Variants in GIMD1 observed in about 807,000 individuals in gnomAD.
GIMD1 encodes GTPase IMAP family member GIMD1.
A neutral mutation model predicts 14.9 loss-of-function variants in GIMD1; 14 were observed. The observed-to-expected ratio is 0.94, with a 90% CI of 0.62 to 1.47. GIMD1 has a LOEUF of 1.47. Among genes scored for constraint, GIMD1 ranks in the 40% most tolerant of loss-of-function variants. The probability of loss-of-function intolerance (pLI) is 0.00; values close to 1 mark genes in which losing one functional copy is unlikely to be tolerated. For synonymous variants in GIMD1, 91 were observed against 90.5 expected, an observed-to-expected ratio of 1.01 and a Z score of -0.03; for missense variants, 272 against 255.3, an observed-to-expected ratio of 1.07 and a Z score of -0.44.
chr4:106,363,763 C>T (rs972470557), intron 2 of GIMD1, among the ~76,000 whole-genome samples: 16 of 151,398 alleles, frequency 1.1e-4, no homozygotes, highest in Non-Finnish European at 1.5e-4. Flanking sequence ...TCTGAATTAG[C>T]TTTTCCGAGC....
intron 1 of GIMD1, 68 bp downstream of exon 1, chr4:106,368,642 A>C (rs1277152531): frequency 5.0e-6 from 2 of 397,328 alleles, no homozygotes; most frequent in Non-Finnish European, 8.9e-6. Context: ...TTTTACTCCT[A>C]AATCAGGGTG....
At chr4:106,360,084 AG>A (rs1770592308) in intron 2 of GIMD1, among the ~76,000 whole-genome samples, 1 of 152,040 alleles carries the variant, frequency 6.6e-6, no homozygotes. Context: ...TAGAAGTCTT[AG>A]GGTTCTATTT....
At chr4:106,367,520 C>T in intron 1 of GIMD1, 83 bp from the exon 2 acceptor site, 1 of 1,285,118 alleles carries the variant, frequency 7.8e-7, no homozygotes, top group East Asian at 2.6e-5. Context: ...CCTGGTTGCA[C>T]TCCAAGTACG....
intron 2 of GIMD1, among the ~76,000 whole-genome samples, chr4:106,361,040 T>C (rs187776469): frequency 2.0e-5 from 3 of 152,216 alleles, no homozygotes; most frequent in Non-Finnish European, 2.9e-5. Flanking sequence ...ATCATTTGCA[T>C]CAGAATCACC....
Position 106,358,387 on chromosome 4 carries a change from TTCTGCATGGG to T in GIMD1, c.440_449del (p.Thr147LysfsTer3). 6.5e-7 allele frequency: 1 copy of T among 1,531,268 alleles called. No individual in the cohort carries two copies. Among genetic ancestry groups the T allele is most frequent in the Non-Finnish European group, 8.7e-7 (1 of 1,144,858 alleles). 94.9% of individuals were successfully genotyped at this position (1,531,268 alleles called of 1,614,324 possible). A position where few individuals can be genotyped will look rare whatever the true frequency, so the allele number is the denominator to read the frequency against. ...CAGTAAGCCCAGCCTCTTCTATTTTTTCTGCATGGGTAAAAAGAATGGCTGTGTAATTCAT... is the reference window on the plus strand; with the variant it reads ...CAGTAAGCCCAGCCTCTTCTATTTTTTAAAAAGAATGGCTGTGTAATTCAT... On this transcript the variant is annotated frameshift_variant, in exon 3 of 3. Transcript: ENST00000638719. LOFTEE classifies it high-confidence loss of function.
intron 2 of GIMD1, among the ~76,000 whole-genome samples, chr4:106,366,810 A>G (rs890954603): frequency 8.6e-5 from 13 of 151,904 alleles, no homozygotes; most frequent in African/African-American, 3.1e-4. Flanking sequence ...CAGTTGTAAA[A>G]TGACTGATTG....
chr4:106,368,596 A>G, intron 1 of GIMD1, 114 bp downstream of exon 1: 3 of 392,702 alleles, frequency 7.6e-6, no homozygotes, highest in Non-Finnish European at 1.3e-5. Context: ...CAGCTCATTC[A>G]GTGGTGTCAA....
chr4:106,366,170 A>G (rs1770696400), intron 2 of GIMD1, among the ~76,000 whole-genome samples: 1 of 152,176 alleles, frequency 6.6e-6, no homozygotes, highest in Non-Finnish European at 1.5e-5. Flanking sequence ...TCTTTTGGCT[A>G]GAATGGAGCA....
chr4:106,360,223 T>C (rs1359731581), intron 2 of GIMD1, among the ~76,000 whole-genome samples: 7 of 151,878 alleles, frequency 4.6e-5, no homozygotes, highest in Admixed American at 1.3e-4. Context: ...TTTCAAGGAA[T>C]AGGCCCAAAC....
At position 106,358,281 on chromosome 4, in the gene GIMD1, T is replaced by G. The variant is rs1285299048; in HGVS notation, c.556A>C (p.Lys186Gln). The stretch of plus-strand genomic sequence containing the variant: ...TGTTCATTGAGTGATTTTCCTTTTT[T>G]GTACTGGAAAACGTATTTGTGCTGA... ...SIQHKYVFQY[K>Q]KGKSLNEQRM... is the part of the protein sequence containing the mutation. Residue 186 changes from lysine (K) to glutamine (Q), a missense_variant, in exon 3 of 3, where the codon AAA (lysine) becomes CAA (glutamine). Transcript: ENST00000638719. 2 of 1,531,632 alleles carry G rather than the reference T, an allele frequency of 1.3e-6. No homozygotes were observed. Among genetic ancestry groups the G allele is most frequent in the Admixed American group, 3.9e-5 (2 of 50,672 alleles). The allele number at this position is 1,531,632 out of a possible 1,614,324, so 94.9% of individuals were successfully genotyped here. A position where few individuals can be genotyped will look rare whatever the true frequency, so the allele number is the denominator to read the frequency against.
chr4:106,364,106 T>C (rs1256121005), intron 2 of GIMD1, among the ~76,000 whole-genome samples: 1 of 152,164 alleles, frequency 6.6e-6, no homozygotes, highest in Non-Finnish European at 1.5e-5. Context: ...ATCTCTTTCA[T>C]TTTACTGTAA....
Position 106,365,380 on chromosome 4 carries a change from C to T in GIMD1, c.393+1663G>A, listed in dbSNP as rs1770681193. Among the ~76,000 whole-genome samples the T allele has an allele frequency of 2.1e-5, 3 of 143,892 alleles. No homozygotes were observed. The South Asian group carries it at 7.0e-4, about 33-fold the overall frequency. 94.4% of individuals were successfully genotyped at this position (143,892 alleles called of 152,430 possible). On this transcript the variant is annotated intron_variant, in intron 2 of 2. Transcript: ENST00000638719. ...TTTCTGCTAGTTTCTTGTGATTATACATATGGCTGGGTTTTTTTTTTTCAT... is the reference window on the plus strand; with the variant it reads ...TTTCTGCTAGTTTCTTGTGATTATATATATGGCTGGGTTTTTTTTTTTCAT...
intron 2 of GIMD1, among the ~76,000 whole-genome samples, chr4:106,366,685 G>A (rs1020765527): frequency 1.3e-5 from 2 of 152,104 alleles, no homozygotes; most frequent in African/African-American, 4.8e-5. Context: ...AGTTGATTCT[G>A]ATGCAGACAG....
At chr4:106,365,672 G>T (rs933886277) in intron 2 of GIMD1, among the ~76,000 whole-genome samples, 4 of 152,080 alleles carry the variant, frequency 2.6e-5, no homozygotes, top group African/African-American at 9.7e-5. Flanking sequence ...TGAGCTCAGT[G>T]ACTCATTGAG....
At chr4:106,365,938 TACACACAC>T (rs74949934) in intron 2 of GIMD1, among the ~76,000 whole-genome samples, 1 of 148,328 alleles carries the variant, frequency 6.7e-6, no homozygotes, top group African/African-American at 2.5e-5. Context: ...TACACACACG[TACACACAC>T]ACACACACAC....
intron 2 of GIMD1, among the ~76,000 whole-genome samples, chr4:106,363,937 T>C (rs72878592): frequency 0.026 from 3,787 of 148,312 alleles, 158 homozygotes; most frequent in African/African-American, 0.088. Flanking sequence ...CAATTCCTAC[T>C]GCAGCTTGGC....
rs1259092316 is a variant in GIMD1, at chr4:106,362,417, G to A, written c.394-3974C>T. 2.0e-5 allele frequency among the ~76,000 whole-genome samples: 3 copies of A among 152,072 alleles called. No individual in the cohort carries two copies. The East Asian group carries it at 5.8e-4, about 29-fold the overall frequency. On this transcript the variant is annotated intron_variant, in intron 2 of 2. Transcript: ENST00000638719. ...CCAAAAGCAAGATAAGTTAATGTAA[G>A]TTATCTGGTGTTAATAATTTAAATA...
chr4:106,362,730 T>A (rs1770632670), intron 2 of GIMD1, among the ~76,000 whole-genome samples: 1 of 152,030 alleles, frequency 6.6e-6, no homozygotes, highest in Non-Finnish European at 1.5e-5. Context: ...ATGAGGACCA[T>A]TTTTTTATAC....
intron 2 of GIMD1, among the ~76,000 whole-genome samples, chr4:106,361,821 A>T (rs766907689): frequency 6.6e-6 from 1 of 152,130 alleles, no homozygotes; most frequent in South Asian, 2.1e-4. Flanking sequence ...TTTGAAATAC[A>T]GTATTGCTAC....
Sources: gnomAD v4.1 joint callset for allele counts (sites outside exome capture counted in the v4.1 genomes callset) on GRCh38, gnomAD v4.1.1 for gene constraint, MANE v1.5 for transcripts, NCBI Gene and HGNC (gene_info 2026-07-23, HGNC 2026-07-21) for gene names.